NRL: variants seen among roughly 807,000 people sequenced by gnomAD.
The protein encoded by NRL is neural retina-specific leucine zipper protein.
A neutral mutation model predicts 12.5 loss-of-function variants in NRL; 16 were observed. The observed-to-expected ratio is 1.28, with a 90% confidence interval of 0.87 to 1.95. The LOEUF (loss-of-function observed/expected upper bound fraction) is 1.95, where lower values mean the gene tolerates loss of function less well. Among genes scored for constraint, NRL ranks in the 30% most tolerant of loss-of-function variants. The pLI is 0.00. For missense variants in NRL, 314 were observed against 325.8 expected (o/e 0.96, Z 0.28); for synonymous variants, 142 against 150.9 (o/e 0.94, Z 0.43).
At chr14:24,103,660 C>T in intron 1 of NRL, 1 of 1,614,210 alleles carries the variant, frequency 6.2e-7, no homozygotes. Flanking sequence ...CGTGACGAGG[C>T]AGGGCACTTC....
Position 24,085,514 on chromosome 14 carries a change from G to A in NRL, c.-27-2639C>T, listed in dbSNP as rs955923049. Among the ~76,000 whole-genome samples the A allele has an allele frequency of 5.9e-5, 9 of 152,282 alleles. 1 individual carries two copies. The highest frequency in any genetic ancestry group is 1.9e-4 in the East Asian group (1 of 5,190). On this transcript the variant is annotated intron_variant, in intron 1 of 2. Transcript: ENST00000561028. This position sits in a 1 kb window ranked among gnomAD's most constrained non-coding sequence, Gnocchi z 4.1. ...AGCTATCATCCCTGAGTAGGAGTGG[G>A]AACAGGGATACTAGGAATTATCCAA...
chr14:24,099,640 C>T (rs2037072727), intron 1 of NRL: 3 of 1,614,054 alleles, frequency 1.9e-6, no homozygotes, highest in Non-Finnish European at 2.5e-6. Flanking sequence ...ACCAACCTGG[C>T]TATGATGCGG....
intron 1 of NRL, chr14:24,114,491 G>C (rs182875006): frequency 8.2e-5 from 15 of 183,898 alleles, no homozygotes; most frequent in Admixed American, 2.0e-4. Context: ...GATGCCAAAT[G>C]ATCTTTAGGG....
In NRL at chr14:24,087,871, G is replaced by T. The variant is rs375353454; in HGVS notation, c.-27-4996C>A. ...ATGGGTGGATCGCTTGAGCCCAGAA[G>T]TTCGACACCAGCCTGGGCAACATGG... On this transcript the variant is annotated intron_variant, in intron 1 of 2. Coordinates refer to ENST00000561028, the MANE Select transcript of NRL (RefSeq NM_001354768.3). 3.2e-4 allele frequency among the ~76,000 whole-genome samples: 49 copies of T among 152,226 alleles called. 1 individual carries two copies. In the South Asian group the frequency reaches 4.4e-3, roughly 14 times the overall value.
At position 24,081,995 on chromosome 14, in the gene NRL, C is replaced by T. The variant is rs1020426405; in HGVS notation, c.382-427G>A. 18 of 1,208,706 alleles carry T rather than the reference C, an allele frequency of 1.5e-5. No individual in the cohort carries two copies. Among genetic ancestry groups the T allele is most frequent in the Non-Finnish European group, 1.9e-5 (18 of 960,620 alleles). 74.9% of individuals were successfully genotyped at this position (1,208,706 alleles called of 1,614,324 possible). Reference sequence around the variant, plus strand: ...ACCCTCACAGGATTTGGATTACATCCTAATGCCCGCAACACCCCCATCTGT... The same window carrying T: ...ACCCTCACAGGATTTGGATTACATCTTAATGCCCGCAACACCCCCATCTGT... On this transcript the variant is annotated intron_variant, in intron 2 of 2. Coordinates refer to ENST00000561028, the MANE Select transcript of NRL (RefSeq NM_001354768.3). The surrounding 1 kb of genome is among the most constrained non-coding windows in gnomAD (Gnocchi z 4.4).
At chr14:24,084,758 G>A in intron 1 of NRL, 1 of 955,532 alleles carries the variant, frequency 1.0e-6, no homozygotes, top group Non-Finnish European at 1.2e-6. Flanking sequence ...GGGGTTGGGG[G>A]AAATGGAGAG....
At position 24,098,497 on chromosome 14, in the gene NRL, A is replaced by G. The variant is rs770574824; in HGVS notation, c.-27-15622T>C. 3 of 1,614,096 alleles carry G rather than the reference A, an allele frequency of 1.9e-6. No homozygotes were observed. The highest frequency in any genetic ancestry group is 2.5e-6 in the Non-Finnish European group (3 of 1,179,982). On this transcript the variant is annotated intron_variant, in intron 1 of 2. Transcript: ENST00000561028. ...CAGGCCGCACCATGTATGTGCTTCC[A>G]TTCAGCATGGGTCCTGTGGGCTCCC...
At chr14:24,098,469 C>T (rs758710923) in intron 1 of NRL, 4 of 1,613,834 alleles carry the variant, frequency 2.5e-6, no homozygotes, top group Middle Eastern at 1.6e-4. Flanking sequence ...ATGCCTTCCT[C>T]CACAGGCCGC....
At chr14:24,109,570 C>T (rs922760061) in intron 1 of NRL, among the ~76,000 whole-genome samples, 2 of 151,854 alleles carry the variant, frequency 1.3e-5, no homozygotes, top group African/African-American at 2.4e-5. Flanking sequence ...TGGTGGCGGG[C>T]GCCTGTAGTC....
At position 24,094,168 on chromosome 14, in the gene NRL, G is replaced by A; in HGVS notation, c.-27-11293C>T. The A allele has an allele frequency of 5.5e-6, 3 of 549,398 alleles. No homozygotes were observed. The highest frequency in any genetic ancestry group is 3.9e-5 in the Admixed American group (1 of 25,918). 34.0% of individuals were successfully genotyped at this position (549,398 alleles called of 1,614,324 possible). On this transcript the variant is annotated intron_variant, in intron 1 of 2. Transcript: ENST00000561028. The surrounding 1 kb of genome is among the most constrained non-coding windows in gnomAD (Gnocchi z 4.1). ...TTTGGAGGCAGGGGTTGGGGCGGCG[G>A]CTGGGCTGACCTGGAGCCTGGAGCC...
chr14:24,113,840 G>A (rs985173544), intron 1 of NRL, among the ~76,000 whole-genome samples: 1 of 152,354 alleles, frequency 6.6e-6, no homozygotes, highest in Admixed American at 6.5e-5. Flanking sequence ...CTGCCCTCAG[G>A]AGCGGGCGGA....
chr14:24,104,581 G>A (rs965264905), intron 1 of NRL, among the ~76,000 whole-genome samples: 39 of 148,432 alleles, frequency 2.6e-4, no homozygotes, highest in Non-Finnish European at 4.3e-4. Context: ...AGAGGTTGCA[G>A]TAAACCAAGG....
intron 1 of NRL, chr14:24,099,595 A>T (rs1312446367): frequency 1.9e-6 from 3 of 1,611,308 alleles, no homozygotes; most frequent in Non-Finnish European, 1.7e-6. Flanking sequence ...AAGAAGCGCT[A>T]TGTGGCAGCC....
At position 24,082,739 on chromosome 14, in the gene NRL, G is replaced by A. The variant is rs746092673; in HGVS notation, c.110C>T (p.Ala37Val). Reference protein sequence around the residue: ...PSEGRPGPPTASLGSTPYSSV... With the variant: ...PSEGRPGPPTVSLGSTPYSSV... Reference sequence around the variant, plus strand: ...GCTGTAAGGTGTGGAGCCCAGTGAGGCTGTAGGGGGGCCAGGTCGGCCCTC... The same window carrying A: ...GCTGTAAGGTGTGGAGCCCAGTGAGACTGTAGGGGGGCCAGGTCGGCCCTC... Residue 37 changes from alanine (A) to valine (V), a missense_variant, in exon 2 of 3, where the codon GCC becomes GTC. Ala to Val is a moderately conservative substitution (Grantham distance 64). Transcript: ENST00000561028. 1.2e-6 allele frequency: 2 copies of A among 1,614,102 alleles called. No homozygotes were observed. The highest frequency in any genetic ancestry group is 1.3e-5 in the African/African-American group (1 of 74,942).
At position 24,091,337 on chromosome 14, in the gene NRL, G is replaced by A. The variant is rs2036627027; in HGVS notation, c.-27-8462C>T. Reference sequence around the variant, plus strand: ...AGCTAATTTTTGTATTTTTAGTAGAGACGGGGTTTCACCATGTTGGCCAGG... The same window carrying A: ...AGCTAATTTTTGTATTTTTAGTAGAAACGGGGTTTCACCATGTTGGCCAGG... On this transcript the variant is annotated intron_variant, in intron 1 of 2. Transcript: ENST00000561028. Among the ~76,000 whole-genome samples, 7 of 152,296 alleles carry A rather than the reference G, an allele frequency of 4.6e-5. No homozygotes were observed. The South Asian group carries it at 1.4e-3, about 32-fold the overall frequency.
intron 1 of NRL, among the ~76,000 whole-genome samples, chr14:24,108,728 T>C (rs2138992328): frequency 6.6e-6 from 1 of 152,318 alleles, no homozygotes; most frequent in Non-Finnish European, 1.5e-5. Context: ...TATTAGAACA[T>C]CCCATAGTTA....
chr14:24,103,085 T>C, intron 1 of NRL: 1 of 1,295,980 alleles, frequency 7.7e-7, no homozygotes, highest in Non-Finnish European at 1.1e-6. Context: ...AGAGTACCAG[T>C]CAAGCTCACC....
Position 24,114,749 on chromosome 14 carries a change from G to C in NRL, c.-55C>G. On this transcript the variant is annotated 5_prime_UTR_variant, in exon 1 of 3. Coordinates refer to ENST00000561028, the MANE Select transcript of NRL (RefSeq NM_001354768.3). ...ATCAATCATCGTGCTCCGCTGTCCA[G>C]TTGGCTGGCCAAGGGGGCGGGGCCG... 1.0e-6 allele frequency: 1 copy of C among 985,990 alleles called. No individual in the cohort carries two copies. Among genetic ancestry groups the C allele is most frequent in the Non-Finnish European group, 1.2e-6 (1 of 829,984 alleles). The allele number at this position is 985,990 out of a possible 1,614,324, so 61.1% of individuals were successfully genotyped here.
Position 24,079,275 on chromosome 14 carries a change from TAG to T in NRL, c.*1959_*1960del. On this transcript the variant is annotated 3_prime_UTR_variant, in exon 3 of 3. Transcript: ENST00000561028. The stretch of plus-strand genomic sequence containing the variant: ...AGGTGAGAAAAGTGAACAAGAAAAG[TAG>T]TGGGTCTGAATTACAGCTCCAGGGC... Among the ~76,000 whole-genome samples, 1 of 152,112 alleles carries T rather than the reference TAG, an allele frequency of 6.6e-6. No homozygotes were observed. Among genetic ancestry groups the T allele is most frequent in the African/African-American group, 2.4e-5 (1 of 41,416 alleles).
Sources: allele counts gnomAD v4.1 joint callset (sites outside exome capture counted in the v4.1 genomes callset), GRCh38; gene constraint gnomAD v4.1.1; non-coding constraint Gnocchi (gnomAD v3.1); transcripts MANE v1.5; gene names NCBI Gene and HGNC (gene_info 2026-07-23, HGNC 2026-07-21).